The following PBX3 variants were observed in gnomAD, a reference collection of about 807,000 sequenced individuals.
The protein encoded by PBX3 is PBX homeobox 3.
Under a neutral mutation model 48.5 loss-of-function variants are expected in PBX3, and 14 were observed. That is an observed-to-expected ratio of 0.29 (90% CI 0.19 to 0.45). The LOEUF is 0.45. Ranked by LOEUF, PBX3 falls within the 20% of genes least tolerant of loss-of-function variation. The pLI is 1.00. For synonymous variants in PBX3, 210 were observed against 200.3 expected (o/e 1.05, Z -0.41); for missense variants, 386 against 546.7 (o/e 0.71, Z 2.93).
intron 2 of PBX3, among the ~76,000 whole-genome samples, chr9:125,750,320 T>A (rs1237423162): frequency 6.6e-6 from 1 of 152,248 alleles, no homozygotes; most frequent in African/African-American, 2.4e-5. Context: ...TGTATTTATT[T>A]ATTTATTTTT....
chr9:125,795,721 C>T (rs1837759710), intron 2 of PBX3, among the ~76,000 whole-genome samples: 3 of 152,076 alleles, frequency 2.0e-5, no homozygotes, highest in South Asian at 4.1e-4. Flanking sequence ...AACACCAATA[C>T]AATTTCTATT....
chr9:125,775,810 T>C (rs1160220738), intron 2 of PBX3, among the ~76,000 whole-genome samples: 1 of 152,234 alleles, frequency 6.6e-6, no homozygotes, highest in Non-Finnish European at 1.5e-5. Flanking sequence ...AATTTGTACA[T>C]TGTTTTGGGT....
intron 3 of PBX3, among the ~76,000 whole-genome samples, chr9:125,922,382 G>A (rs1438346932): frequency 6.6e-6 from 1 of 152,084 alleles, no homozygotes; most frequent in Non-Finnish European, 1.5e-5. Context: ...ATGCATCCTA[G>A]GTAGTTTTCA....
At chr9:125,930,024 G>T (rs1841680301) in intron 4 of PBX3, among the ~76,000 whole-genome samples, 179 bp downstream of exon 4, 1 of 152,208 alleles carries the variant, frequency 6.6e-6, no homozygotes, top group South Asian at 2.1e-4. Flanking sequence ...TCTGGGAATG[G>T]TAATGTGGGT....
intron 2 of PBX3, among the ~76,000 whole-genome samples, chr9:125,824,618 A>G (rs1269640716): frequency 1.3e-5 from 2 of 152,314 alleles, no homozygotes; most frequent in Non-Finnish European, 2.9e-5. Context: ...GTCTAGAAAG[A>G]TACAGTCTTT....
At chr9:125,779,751 G>T (rs1285633712) in intron 2 of PBX3, among the ~76,000 whole-genome samples, 3 of 147,426 alleles carry the variant, frequency 2.0e-5, no homozygotes, top group African/African-American at 7.7e-5. Context: ...TGTCATCCCG[G>T]CCCGTTCTCA....
intron 2 of PBX3, among the ~76,000 whole-genome samples, chr9:125,866,081 A>G (rs1233640684): frequency 6.6e-6 from 1 of 152,126 alleles, no homozygotes; most frequent in African/African-American, 2.4e-5. Flanking sequence ...CAACGGTCAC[A>G]TAAATCCCAT....
intron 2 of PBX3, 100 bp downstream of exon 2, chr9:125,748,723 G>T: frequency 2.5e-6 from 2 of 799,004 alleles, no homozygotes; most frequent in Non-Finnish European, 2.1e-6. Flanking sequence ...TTTGGGCACC[G>T]CCATCTTTGA....
intron 5 of PBX3, among the ~76,000 whole-genome samples, chr9:125,940,631 G>A (rs1323447200): frequency 6.6e-6 from 1 of 152,130 alleles, no homozygotes; most frequent in Non-Finnish European, 1.5e-5. Context: ...AACCAGTATG[G>A]TATATTTATG....
At chr9:125,867,657 A>C (rs1025336987) in intron 2 of PBX3, among the ~76,000 whole-genome samples, 6 of 149,486 alleles carry the variant, frequency 4.0e-5, no homozygotes, top group East Asian at 2.0e-4. Flanking sequence ...AAAAAAAAAA[A>C]CCACAAAAAC....
intron 2 of PBX3, among the ~76,000 whole-genome samples, chr9:125,801,003 T>G (rs1837928247): frequency 6.6e-6 from 1 of 152,112 alleles, no homozygotes; most frequent in African/African-American, 2.4e-5. Flanking sequence ...TCCTCCCTCC[T>G]TGGCCCCCCA....
At chr9:125,768,541 A>C (rs1836859845) in intron 2 of PBX3, among the ~76,000 whole-genome samples, 1 of 152,242 alleles carries the variant, frequency 6.6e-6, no homozygotes, top group African/African-American at 2.4e-5. Flanking sequence ...TGTTATCCTA[A>C]ACAGCATTTT....
chr9:125,942,800 T>G (rs1841983916), intron 5 of PBX3, among the ~76,000 whole-genome samples: 1 of 152,158 alleles, frequency 6.6e-6, no homozygotes, highest in African/African-American at 2.4e-5. Context: ...CATTAAACAG[T>G]GCGCAGAGAA....
At chr9:125,904,480 T>G (rs928839659) in intron 2 of PBX3, among the ~76,000 whole-genome samples, 2 of 151,922 alleles carry the variant, frequency 1.3e-5, no homozygotes, top group Non-Finnish European at 2.9e-5. Flanking sequence ...ACACATTGTT[T>G]GTTTTAGCTG....
chr9:125,870,224 A>G (rs772060632), intron 2 of PBX3, among the ~76,000 whole-genome samples: 2 of 152,030 alleles, frequency 1.3e-5, no homozygotes, highest in African/African-American at 2.4e-5. Flanking sequence ...GTGCGCCATC[A>G]TGCCTGGCTA....
chr9:125,778,776 T>G (rs962034013), intron 2 of PBX3, among the ~76,000 whole-genome samples: 6 of 146,810 alleles, frequency 4.1e-5, no homozygotes, highest in African/African-American at 1.5e-4. Flanking sequence ...CTCACCCTGT[T>G]TGTATGGCCA....
At chr9:125,873,812 G>GA (rs1253650180) in intron 2 of PBX3, among the ~76,000 whole-genome samples, 1 of 151,604 alleles carries the variant, frequency 6.6e-6, no homozygotes, top group African/African-American at 2.4e-5. Context: ...AAGGAAAATA[G>GA]AAAAAAGGGA....
chr9:125,922,932 G>A (rs1164659051), intron 3 of PBX3, among the ~76,000 whole-genome samples: 1 of 152,178 alleles, frequency 6.6e-6, no homozygotes, highest in Non-Finnish European at 1.5e-5. Flanking sequence ...AATAGTTAAC[G>A]AATTTTACTT....
chr9:125,916,058 A>G, intron 3 of PBX3, 131 bp downstream of exon 3: 1 of 1,301,454 alleles, frequency 7.7e-7, no homozygotes, highest in East Asian at 2.4e-5. Context: ...GGTCAGTGCA[A>G]AAATCCAAGT....
Sources: gnomAD v4.1 joint callset for allele counts (sites outside exome capture counted in the v4.1 genomes callset) on GRCh38, gnomAD v4.1.1 for gene constraint, MANE v1.5 for transcripts, NCBI Gene and HGNC (gene_info 2026-07-23, HGNC 2026-07-21) for gene names.